TRPM3: variants seen among roughly 807,000 people sequenced by gnomAD.
TRPM3 encodes the protein long transient receptor potential channel 3.
In TRPM3, 77 loss-of-function variants were observed where a neutral mutation model predicts 181.2. The observed-to-expected ratio is 0.42, with a 90% CI of 0.35 to 0.51. The LOEUF (loss-of-function observed/expected upper bound fraction) is 0.51. Ranked by LOEUF, TRPM3 falls within the 20% of genes least tolerant of loss-of-function variation. The pLI, the probability that TRPM3 is intolerant of heterozygous loss-of-function variation, is 0.01. For synonymous variants in TRPM3, 745 were observed against 796.4 expected, an observed-to-expected ratio of 0.94 and a Z score of 1.09; for missense variants, 1,759 against 2,196.7, an observed-to-expected ratio of 0.80 and a Z score of 3.98.
At chr9:70,803,192 G>A (rs1213200573) in intron 6 of TRPM3, among the ~76,000 whole-genome samples, 1 of 151,952 alleles carries the variant, frequency 6.6e-6, no homozygotes, top group Admixed American at 6.6e-5. Context: ...GAAGGGACTC[G>A]CAGCATCCTT....
chr9:70,664,177 A>G (rs939498704), intron 9 of TRPM3, among the ~76,000 whole-genome samples: 3 of 152,206 alleles, frequency 2.0e-5, no homozygotes, highest in Non-Finnish European at 4.4e-5. Context: ...CAGCCAGGTT[A>G]TTAGTTTGAT....
chr9:71,120,116 A>G (rs1289657628), intron 1 of TRPM3, among the ~76,000 whole-genome samples: 1 of 152,242 alleles, frequency 6.6e-6, no homozygotes, highest in Non-Finnish European at 1.5e-5. Flanking sequence ...ACACATCCTC[A>G]GAACAAAATT....
intron 11 of TRPM3, among the ~76,000 whole-genome samples, chr9:70,637,494 A>G (rs532786522): frequency 2.7e-5 from 4 of 149,288 alleles, no homozygotes; most frequent in Non-Finnish European, 5.9e-5. Context: ...TACTCCCTTG[A>G]TTCTCTAATT....
At chr9:71,242,580 A>G (rs2081776156) in intron 1 of TRPM3, among the ~76,000 whole-genome samples, 1 of 152,150 alleles carries the variant, frequency 6.6e-6, no homozygotes, top group Non-Finnish European at 1.5e-5. Context: ...TACTATCACT[A>G]TTATGGCTAT....
chr9:70,641,159 C>T (rs1347318816), intron 9 of TRPM3, among the ~76,000 whole-genome samples: 2 of 152,128 alleles, frequency 1.3e-5, no homozygotes, highest in South Asian at 2.1e-4. Context: ...ATTGCTCTAC[C>T]GTCTGGCTAG....
chr9:70,579,546 C>G (rs2055063787), intron 22 of TRPM3: 1 of 152,174 alleles, frequency 6.6e-6, no homozygotes, highest in Non-Finnish European at 1.5e-5. Flanking sequence ...TTCCTCTCCT[C>G]TCTTCCTTTC....
intron 3 of TRPM3, among the ~76,000 whole-genome samples, chr9:70,859,179 A>G (rs565869418): frequency 1.3e-5 from 2 of 152,268 alleles, no homozygotes; most frequent in African/African-American, 4.8e-5. Context: ...CAAGGACCCT[A>G]CATTTTAATT....
At chr9:70,551,098 G>A (rs1225941633) in intron 24 of TRPM3, among the ~76,000 whole-genome samples, 4 of 152,054 alleles carry the variant, frequency 2.6e-5, no homozygotes, top group African/African-American at 4.8e-5. Flanking sequence ...TATATGTAAC[G>A]CCTTTTTAAC....
intron 1 of TRPM3, among the ~76,000 whole-genome samples, chr9:71,423,630 A>G (rs962912978): frequency 6.6e-6 from 1 of 152,252 alleles, no homozygotes; most frequent in African/African-American, 2.4e-5. Flanking sequence ...ACAAGAAAAC[A>G]AAGTGCATTA....
intron 1 of TRPM3, among the ~76,000 whole-genome samples, chr9:71,034,633 ACT>A (rs976831889): frequency 6.6e-5 from 10 of 151,654 alleles, no homozygotes; most frequent in Admixed American, 3.3e-4. Context: ...TTGACAGCTG[ACT>A]CTGTGCATTT....
chr9:71,195,362 T>C (rs377537206), intron 1 of TRPM3, among the ~76,000 whole-genome samples: 1 of 151,852 alleles, frequency 6.6e-6, no homozygotes, highest in African/African-American at 2.4e-5. Context: ...AAAGAACACA[T>C]ACATGCGGCC....
chr9:71,084,119 G>A (rs1482454609), intron 1 of TRPM3, among the ~76,000 whole-genome samples: 1 of 151,924 alleles, frequency 6.6e-6, no homozygotes, highest in African/African-American at 2.4e-5. Context: ...GACCTACAAT[G>A]TGCTAATGTT....
chr9:71,201,637 C>G (rs1249536238), intron 1 of TRPM3, among the ~76,000 whole-genome samples: 4 of 152,208 alleles, frequency 2.6e-5, no homozygotes, highest in African/African-American at 9.6e-5. Flanking sequence ...TCTTCCATCA[C>G]TGATACCCTT....
At chr9:71,128,549 T>C (rs2074188698) in intron 1 of TRPM3, among the ~76,000 whole-genome samples, 1 of 152,218 alleles carries the variant, frequency 6.6e-6, no homozygotes, top group Non-Finnish European at 1.5e-5. Context: ...CTATTCATTA[T>C]TGTAAATGTT....
In TRPM3 at chr9:71,061,177, G is replaced by A. The variant is rs1477896643; in HGVS notation, c.177+60001C>T. ...GGAAGAATTGACAGGAGGTCAATGT[G>A]GCTGACTTGTTACGAGCAAAGAGGT... On this transcript the variant is annotated intron_variant, in intron 1 of 25. Coordinates refer to ENST00000677713, the MANE Select transcript of TRPM3 (RefSeq NM_001366145.2). Among the ~76,000 whole-genome samples the A allele has an allele frequency of 2.0e-5, 3 of 152,140 alleles. No individual in the cohort carries two copies. The South Asian group carries it at 6.2e-4, about 31-fold the overall frequency.
At position 71,419,337 on chromosome 9, in the gene TRPM3, T is replaced by C. The variant is rs568247757; in HGVS notation, c.183+27316A>G. Among the ~76,000 whole-genome samples, 6 of 151,944 alleles carry C rather than the reference T, an allele frequency of 3.9e-5. No homozygotes were observed. The South Asian group carries it at 1.0e-3, about 26-fold the overall frequency. ...TCCCCCAAAGGATGAAGAAAACAAATGGCTGTTCAGATGTTTCAAGACTGA... is the reference window on the plus strand; with the variant it reads ...TCCCCCAAAGGATGAAGAAAACAAACGGCTGTTCAGATGTTTCAAGACTGA... On this transcript the variant is annotated intron_variant, in intron 1 of 24. Transcript: ENST00000357533.
chr9:71,286,111 T>C (rs910020491), intron 1 of TRPM3, among the ~76,000 whole-genome samples: 4 of 152,148 alleles, frequency 2.6e-5, no homozygotes, highest in African/African-American at 4.8e-5. Flanking sequence ...AGTCTGACAA[T>C]TGTTTCTGAG....
intron 12 of TRPM3, among the ~76,000 whole-genome samples, chr9:70,626,853 G>C (rs1158752892): frequency 6.6e-6 from 1 of 152,088 alleles, no homozygotes; most frequent in Non-Finnish European, 1.5e-5. Flanking sequence ...GAAGGTTTTG[G>C]GATTCAGGAT....
At chr9:71,365,253 C>T (rs1253426191) in intron 1 of TRPM3, among the ~76,000 whole-genome samples, 2 of 152,140 alleles carry the variant, frequency 1.3e-5, no homozygotes, top group Non-Finnish European at 2.9e-5. Context: ...TATTAAAGCA[C>T]ATAATAGCAT....
Sources: gnomAD v4.1 joint callset for allele counts (sites outside exome capture counted in the v4.1 genomes callset) on GRCh38, gnomAD v4.1.1 for gene constraint, MANE v1.5 for transcripts, NCBI Gene and HGNC (gene_info 2026-07-23, HGNC 2026-07-21) for gene names.